CD82: variants seen among roughly 807,000 people sequenced by gnomAD.
CD82 encodes CD82 molecule.
CD82 carries 36 observed loss-of-function variants against 37.4 expected under a neutral mutation model. The observed-to-expected ratio is 0.96, with a 90% CI of 0.74 to 1.27. CD82 has a LOEUF of 1.27. Among genes scored for constraint, CD82 ranks in the 50% most tolerant of loss-of-function variants. The pLI is 0.00. For missense variants in CD82, 340 were observed against 347.0 expected, an observed-to-expected ratio of 0.98 and a Z score of 0.16; for synonymous variants, 158 against 137.4, an observed-to-expected ratio of 1.15 and a Z score of -1.05.
intron 2 of CD82, among the ~76,000 whole-genome samples, chr11:44,592,145 C>T (rs939245157): frequency 7.9e-5 from 12 of 152,106 alleles, no homozygotes; most frequent in Non-Finnish European, 1.8e-4. Flanking sequence ...TAAAAGCTGC[C>T]CTTTGCTGAA....
At chr11:44,579,370 G>A (rs546918600) in intron 1 of CD82, among the ~76,000 whole-genome samples, 2 of 151,978 alleles carry the variant, frequency 1.3e-5, no homozygotes, top group Non-Finnish European at 2.9e-5. Context: ...GGCTCCAGGG[G>A]TGGGTGTGGG....
intron 7 of CD82, among the ~76,000 whole-genome samples, chr11:44,616,781 G>T (rs1198587584): frequency 6.6e-6 from 1 of 152,230 alleles, no homozygotes; most frequent in Non-Finnish European, 1.5e-5. Flanking sequence ...GAGGTGGCGT[G>T]TGCTGCTGGG....
In CD82 at chr11:44,605,073, C is replaced by A. The variant is rs139889503; in HGVS notation, c.152C>A (p.Ser51Ter). 12 of 1,614,100 alleles carry A rather than the reference C, an allele frequency of 7.4e-6. No individual in the cohort carries two copies. Among genetic ancestry groups the A allele is most frequent in the Non-Finnish European group, 1.0e-5 (12 of 1,180,052 alleles). The change falls in exon 5 of 10, where the codon TCG becomes TAG. Residue 51 changes from serine to a stop codon, truncating the protein, a stop_gained. Transcript: ENST00000227155. LOFTEE classifies it high-confidence loss of function. ...FISVLQTSSS[S>*]LRMGAYVFIG... Reference sequence around the variant, plus strand: ...TTCCCCCTAGAAACCTCCTCCAGCTCGCTTAGGATGGGGGCCTATGTCTTC... The same window carrying A: ...TTCCCCCTAGAAACCTCCTCCAGCTAGCTTAGGATGGGGGCCTATGTCTTC...
intron 1 of CD82, among the ~76,000 whole-genome samples, chr11:44,584,665 G>A (rs1029809371): frequency 1.3e-5 from 2 of 151,012 alleles, no homozygotes; most frequent in African/African-American, 4.8e-5. Flanking sequence ...CAGAGTAGCA[G>A]CTATTTTTTT....
chr11:44,580,939 C>A (rs1398322815), intron 1 of CD82, among the ~76,000 whole-genome samples: 2 of 152,180 alleles, frequency 1.3e-5, no homozygotes, highest in Non-Finnish European at 2.9e-5. Flanking sequence ...CATGATGTGA[C>A]AAAAGGTTTG....
At chr11:44,594,586 C>T (rs1248622768) in intron 2 of CD82, 57 bp from the exon 3 acceptor site, 3 of 1,096,270 alleles carry the variant, frequency 2.7e-6, no homozygotes, top group African/African-American at 1.5e-5. Flanking sequence ...CCTGGGGTTG[C>T]TGCAAGGGCA....
At chr11:44,605,549 G>A in intron 6 of CD82, 120 bp downstream of exon 6, 1 of 882,806 alleles carries the variant, frequency 1.1e-6, no homozygotes, top group Non-Finnish European at 1.8e-6. Flanking sequence ...GTAGGTGTCA[G>A]GGACGGCCTC....
intron 2 of CD82, among the ~76,000 whole-genome samples, chr11:44,588,083 A>T (rs1348100949): frequency 1.3e-5 from 2 of 152,192 alleles, no homozygotes; most frequent in African/African-American, 4.8e-5. Flanking sequence ...GGGGAAAGGG[A>T]CAGGTAAGTA....
chr11:44,584,083 C>T (rs1284683261), intron 1 of CD82, among the ~76,000 whole-genome samples: 1 of 152,112 alleles, frequency 6.6e-6, no homozygotes, highest in African/African-American at 2.4e-5. Flanking sequence ...GGGATCTCCT[C>T]ACTTTGTGGT....
chr11:44,608,983 T>C (rs1202474186), intron 6 of CD82, among the ~76,000 whole-genome samples: 4 of 151,834 alleles, frequency 2.6e-5, no homozygotes, highest in East Asian at 3.9e-4. Context: ...TTTATTATTA[T>C]TGCCGCCATT....
chr11:44,612,623 ATTTTTTTT>A lies in CD82; in HGVS notation c.337-2629_337-2622del, dbSNP rs34301171. Among the ~76,000 whole-genome samples, 47 of 63,078 alleles carry A rather than the reference ATTTTTTTT, an allele frequency of 7.5e-4. 1 individual carries two copies. In the East Asian group the frequency reaches 9.2e-3, roughly 12 times the overall value. 41.4% of individuals were successfully genotyped at this position (63,078 alleles called of 152,430 possible). On this transcript the variant is annotated intron_variant, in intron 6 of 9. Coordinates refer to ENST00000227155, the MANE Select transcript of CD82 (RefSeq NM_002231.4). ...ATCAGAGGCTGGTTTCCCAGCATTA[ATTTTTTTT>A]TTTTTTTTTTTTTTTTTTTGAGATG...
intron 6 of CD82, 85 bp downstream of exon 6, chr11:44,605,514 C>T (rs1309335660): frequency 7.8e-7 from 1 of 1,277,744 alleles, no homozygotes; most frequent in Admixed American, 1.7e-5. Context: ...ACAAGGAACC[C>T]CCCCAGTTGT....
chr11:44,604,732 TTGG>T lies in CD82; in HGVS notation c.137-322_137-320del, dbSNP rs137950940. The stretch of plus-strand genomic sequence containing the variant: ...TTCTGCCCTCATGCACCTCAGGTCC[TTGG>T]TGGAGGGGGAGAGCAGACAATGAGC... On this transcript the variant is annotated intron_variant, in intron 4 of 9. Transcript: ENST00000227155. The T allele has an allele frequency of 2.6e-3, 984 of 378,138 alleles. 9 individuals carry two copies. In the East Asian group the frequency reaches 0.041, roughly 16 times the overall value. 23.4% of individuals were successfully genotyped at this position (378,138 alleles called of 1,614,324 possible). A position where few individuals can be genotyped will look rare whatever the true frequency, so the allele number is the denominator to read the frequency against.
intron 1 of CD82, among the ~76,000 whole-genome samples, chr11:44,581,649 C>A (rs1431672149): frequency 6.6e-6 from 1 of 152,192 alleles, no homozygotes; most frequent in African/African-American, 2.4e-5. Context: ...CCGGGCCAAC[C>A]TGGAGTGGGG....
At chr11:44,568,293 G>A (rs919814226) in intron 1 of CD82, among the ~76,000 whole-genome samples, 1 of 152,146 alleles carries the variant, frequency 6.6e-6, no homozygotes, top group Non-Finnish European at 1.5e-5. Context: ...CACAGGGAGA[G>A]CAAAGGCACC....
At chr11:44,610,264 C>T (rs1853461192) in intron 6 of CD82, among the ~76,000 whole-genome samples, 1 of 152,110 alleles carries the variant, frequency 6.6e-6, no homozygotes, top group Non-Finnish European at 1.5e-5. Flanking sequence ...TTGATTTGTT[C>T]CTGTGGTCCT....
intron 3 of CD82, 104 bp from the exon 4 acceptor site, chr11:44,600,052 CTG>C: frequency 9.2e-7 from 1 of 1,082,066 alleles, no homozygotes; most frequent in South Asian, 1.3e-5. Flanking sequence ...GTGGTGCCCT[CTG>C]TGGCCCCCTG....
intron 7 of CD82, among the ~76,000 whole-genome samples, chr11:44,616,399 T>A (rs886790856): frequency 1.3e-5 from 2 of 152,154 alleles, no homozygotes; most frequent in African/African-American, 4.8e-5. Context: ...ACTTTGCTAA[T>A]TTTAGCAAAG....
chr11:44,591,062 T>G (rs1389280535), intron 2 of CD82, among the ~76,000 whole-genome samples: 1 of 152,262 alleles, frequency 6.6e-6, no homozygotes, highest in African/African-American at 2.4e-5. Flanking sequence ...TCTTGGCCAG[T>G]GTGCCTGGGA....
Sources: gnomAD v4.1 joint callset for allele counts (sites outside exome capture counted in the v4.1 genomes callset) on GRCh38, gnomAD v4.1.1 for gene constraint, MANE v1.5 for transcripts, NCBI Gene and HGNC (gene_info 2026-07-23, HGNC 2026-07-21) for gene names.